Variants in TIAM2 observed in about 807,000 individuals in gnomAD.
The protein encoded by TIAM2 is TIAM Rac1 associated GEF 2, also known as rho guanine nucleotide exchange factor TIAM2.
A neutral mutation model predicts 152.9 loss-of-function variants in TIAM2; 80 were observed. That is an observed-to-expected ratio of 0.52 (90% confidence interval 0.44 to 0.63). The LOEUF (loss-of-function observed/expected upper bound fraction) is 0.63, where lower values mean the gene tolerates loss of function less well. Among genes scored for constraint, TIAM2 ranks in the 30% least tolerant of loss-of-function variants. The pLI is 0.00. For missense variants in TIAM2, 1,965 were observed against 2,120.1 expected, an observed-to-expected ratio of 0.93 and a Z score of 1.44; for synonymous variants, 804 against 838.0, an observed-to-expected ratio of 0.96 and a Z score of 0.70.
At chr6:155,216,808 C>G (rs942455499) in intron 15 of TIAM2, 4 of 812,408 alleles carry the variant, frequency 4.9e-6, no homozygotes, top group African/African-American at 1.9e-5. Context: ...TCTGTGGTAA[C>G]CCGGTGCCTT....
At chr6:155,023,443 C>T (rs544816053) in intron 1 of TIAM2, among the ~76,000 whole-genome samples, 6 of 152,194 alleles carry the variant, frequency 3.9e-5, no homozygotes, top group East Asian at 3.9e-4. Flanking sequence ...TGGTCCTTTT[C>T]GGCTGCGTCT....
chr6:155,054,032 G>T (rs1355067003), intron 1 of TIAM2, among the ~76,000 whole-genome samples: 1 of 152,128 alleles, frequency 6.6e-6, no homozygotes, highest in African/African-American at 2.4e-5. Flanking sequence ...ATCTAGCCAG[G>T]CATGGTGGCA....
chr6:155,160,698 T>A (rs1446830047), intron 7 of TIAM2, among the ~76,000 whole-genome samples: 1 of 151,934 alleles, frequency 6.6e-6, no homozygotes, highest in African/African-American at 2.4e-5. Context: ...GAAGCAGAGG[T>A]TGCAGTGAGC....
At chr6:155,238,297 C>T (rs984233317) in intron 15 of TIAM2, among the ~76,000 whole-genome samples, 1 of 152,256 alleles carries the variant, frequency 6.6e-6, no homozygotes, top group African/African-American at 2.4e-5. Context: ...ATTCATTTCA[C>T]TATCAGCATC....
At chr6:155,097,635 C>T (rs546470390) in intron 2 of TIAM2, among the ~76,000 whole-genome samples, 22 of 152,344 alleles carry the variant, frequency 1.4e-4, no homozygotes, top group South Asian at 1.0e-3. Flanking sequence ...GCCACCATGC[C>T]TAGCCTGCAG....
intron 1 of TIAM2, among the ~76,000 whole-genome samples, chr6:155,028,869 C>A (rs62651287): frequency 0.79 from 42,014 of 53,424 alleles, 17,438 homozygotes; most frequent in African/African-American, 0.87. Context: ...TATATACTAT[C>A]TATACTATGT....
intron 1 of TIAM2, among the ~76,000 whole-genome samples, chr6:155,002,112 G>A (rs1376540408): frequency 1.3e-5 from 2 of 152,144 alleles, no homozygotes; most frequent in South Asian, 2.1e-4. Flanking sequence ...AGAAATTAAT[G>A]AATTAACATA....
At chr6:155,095,609 T>G (rs1778402448) in intron 2 of TIAM2, among the ~76,000 whole-genome samples, 1 of 152,186 alleles carries the variant, frequency 6.6e-6, no homozygotes. Flanking sequence ...TTTAGGTAAA[T>G]GAGAGTGGCC....
At chr6:155,086,163 T>C (rs1023345080) in intron 1 of TIAM2, among the ~76,000 whole-genome samples, 5 of 152,198 alleles carry the variant, frequency 3.3e-5, no homozygotes, top group Non-Finnish European at 7.3e-5. Context: ...GAGAGGGTCC[T>C]GAGGAAGGCG....
chr6:155,105,597 AT>A (rs1293916524), intron 2 of TIAM2, among the ~76,000 whole-genome samples: 244 of 143,488 alleles, frequency 1.7e-3, no homozygotes, highest in East Asian at 4.6e-3. Context: ...GGCTTGGCTA[AT>A]TTTTTTTTTT....
intron 1 of TIAM2, among the ~76,000 whole-genome samples, chr6:155,053,372 C>T (rs1777363668): frequency 6.6e-6 from 1 of 151,128 alleles, no homozygotes; most frequent in Non-Finnish European, 1.5e-5. Flanking sequence ...CTAGGCTGCT[C>T]TTGAACTCTT....
chr6:155,043,869 T>C (rs1295903949), intron 1 of TIAM2, among the ~76,000 whole-genome samples: 1 of 152,086 alleles, frequency 6.6e-6, no homozygotes, highest in Non-Finnish European at 1.5e-5. Context: ...TCCCTTGGTC[T>C]CTTCTTATTC....
chr6:155,172,657 TATATATATATATATA>T lies in TIAM2; in HGVS notation c.2362-4158_2362-4144del, dbSNP rs1780620650. On this transcript the variant is annotated intron_variant, in intron 9 of 26. Transcript: ENST00000682666. ...CTAGTTGGAAATATATATATATATA[TATATATATATATATA>T]TATATATATATATATTTTTTTTTTT... Among the ~76,000 whole-genome samples, 2 of 10,606 alleles carry T rather than the reference TATATATATATATATA, an allele frequency of 1.9e-4. 1 individual carries two copies. The highest frequency in any genetic ancestry group is 5.9e-4 in the Non-Finnish European group (2 of 3,396). The allele number at this position is 10,606 out of a possible 152,430, so 7.0% of individuals were successfully genotyped here.
intron 14 of TIAM2, among the ~76,000 whole-genome samples, chr6:155,187,573 C>CCTCTTTTT (rs1189509294): frequency 2.0e-5 from 1 of 49,614 alleles, no homozygotes; most frequent in Non-Finnish European, 3.7e-5. Context: ...ACCCCGCCCC[C>CCTCTTTTT]TTTTTTTTTT....
At chr6:155,176,754 C>T (rs750957725) in intron 9 of TIAM2, 62 bp from the exon 10 acceptor site, 93 of 1,559,148 alleles carry the variant, frequency 6.0e-5, no homozygotes, top group Middle Eastern at 1.7e-4. Context: ...GACATTTGGC[C>T]GGTGGTTTCC....
rs985253817 is a variant in TIAM2, at chr6:155,054,634, G to A, written c.-208-35655G>A. Among the ~76,000 whole-genome samples, 30 of 151,930 alleles carry A rather than the reference G, an allele frequency of 2.0e-4. 1 individual carries two copies. Among genetic ancestry groups the A allele is most frequent in the Admixed American group, 2.0e-3 (30 of 15,240 alleles). ...TCTCACTCTGTTGCCAGGCTGGAGT[G>A]CAGTGGCTAGATCTTGGCTCACTGC... On this transcript the variant is annotated intron_variant, in intron 1 of 26. Coordinates refer to ENST00000682666, the MANE Select transcript of TIAM2 (RefSeq NM_012454.4).
chr6:155,084,821 A>G (rs1299770050), intron 1 of TIAM2, among the ~76,000 whole-genome samples: 6 of 152,192 alleles, frequency 3.9e-5, no homozygotes, highest in Non-Finnish European at 8.8e-5. Context: ...TGTTGAGTGC[A>G]GCATCTGATT....
At chr6:155,253,076 T>A in intron 24 of TIAM2, 23 bp downstream of exon 24, 6 of 1,592,816 alleles carry the variant, frequency 3.8e-6, no homozygotes, top group Non-Finnish European at 4.3e-6. Context: ...TGCAGTATGA[T>A]GCCAGAAAAA....
At chr6:155,234,004 G>GC (rs146455214) in intron 15 of TIAM2, among the ~76,000 whole-genome samples, 64,709 of 144,484 alleles carry the variant, frequency 0.45, 14,981 homozygotes, top group Middle Eastern at 0.57. Flanking sequence ...AATTTTTTTT[G>GC]GGGGGGGGTT....
Sources: gnomAD v4.1 joint callset for allele counts (sites outside exome capture counted in the v4.1 genomes callset) on GRCh38, gnomAD v4.1.1 for gene constraint, MANE v1.5 for transcripts, NCBI Gene and HGNC (gene_info 2026-07-23, HGNC 2026-07-21) for gene names.